Variants in IL17RD observed in about 807,000 individuals in gnomAD.
The protein encoded by IL17RD is interleukin 17 receptor D.
A neutral mutation model predicts 80.5 loss-of-function variants in IL17RD; 52 were observed. The observed-to-expected ratio is 0.65, with a 90% CI of 0.52 to 0.81. IL17RD has a LOEUF of 0.81. Among genes scored for constraint, IL17RD ranks in the 40% least tolerant of loss-of-function variants. The pLI is 0.00. For missense variants in IL17RD, 1,024 were observed against 955.1 expected, an observed-to-expected ratio of 1.07 and a Z score of -0.95; for synonymous variants, 416 against 391.8, an observed-to-expected ratio of 1.06 and a Z score of -0.73.
Position 57,090,244 on chromosome 3 carries a change from A to T in IL17RD, c.*6149T>A, listed in dbSNP as rs1013162468. On this transcript the variant is annotated 3_prime_UTR_variant, in exon 13 of 13. Transcript: ENST00000296318. ...TATTCCACAGGCTTTCTCCCCTAGGACGTACTAACAGGGAGTTTCCACAGG... is the reference window on the plus strand; with the variant it reads ...TATTCCACAGGCTTTCTCCCCTAGGTCGTACTAACAGGGAGTTTCCACAGG... 6.6e-6 allele frequency: 1 copy of T among 152,642 alleles called. No individual in the cohort carries two copies. Among genetic ancestry groups the T allele is most frequent in the African/African-American group, 2.4e-5 (1 of 41,454 alleles). The allele number at this position is 152,642 out of a possible 1,614,324, so 9.5% of individuals were successfully genotyped here. A position where few individuals can be genotyped will look rare whatever the true frequency, so the allele number is the denominator to read the frequency against.
chr3:57,142,366 G>C (rs1707844826), intron 1 of IL17RD: 1 of 485,760 alleles, frequency 2.1e-6, no homozygotes, highest in South Asian at 1.6e-5. Context: ...TTCTTTTGTG[G>C]AGAAGTGGAG....
chr3:57,097,733 T>A lies in IL17RD; in HGVS notation c.1970A>T (p.Asp657Val). Residue 657 changes from aspartate to valine, a missense_variant, in exon 12 of 13, where the codon GAC (aspartate) becomes GTC (valine). By Grantham distance (152) the Asp-to-Val change is radical. Coordinates refer to ENST00000296318, the MANE Select transcript of IL17RD (RefSeq NM_017563.5). ...LHTVKAGSPSDMPRDSGIYDS... is the reference protein window; with the variant it reads ...LHTVKAGSPSVMPRDSGIYDS... ...ATAGATGCCTGAGTCCCGCGGCATG[T>A]CCGAGGGGCTGCCGGCTTTCACCGT... 1 of 1,602,714 alleles carries A rather than the reference T, an allele frequency of 6.2e-7. No individual in the cohort carries two copies. Among genetic ancestry groups the A allele is most frequent in the Non-Finnish European group, 8.5e-7 (1 of 1,173,736 alleles).
At chr3:57,096,576 G>T in intron 12 of IL17RD, 71 bp from the exon 13 acceptor site, 1 of 1,060,000 alleles carries the variant, frequency 9.4e-7, no homozygotes, top group Non-Finnish European at 1.5e-6. Context: ...GCTCATGGCA[G>T]AATGTGACTG....
At chr3:57,132,487 CAAA>C (rs988931488) in intron 1 of IL17RD, among the ~76,000 whole-genome samples, 1 of 152,000 alleles carries the variant, frequency 6.6e-6, no homozygotes, top group African/African-American at 2.4e-5. Context: ...CAAAAACAAA[CAAA>C]AAATTCTAAT....
Position 57,096,400 on chromosome 3 carries a change from G to C in IL17RD, c.2213C>G (p.Pro738Arg). The C allele has an allele frequency of 6.2e-7, 1 of 1,611,806 alleles. No homozygotes were observed. The highest frequency in any genetic ancestry group is 8.5e-7 in the Non-Finnish European group (1 of 1,177,880). The change falls in exon 13 of 13, where the codon CCT becomes CGT. Residue 738 changes from proline to arginine, a missense_variant. By Grantham distance (103) the Pro-to-Arg change is moderately radical (BLOSUM62 -2). Coordinates refer to ENST00000296318, the MANE Select transcript of IL17RD (RefSeq NM_017563.5). ...TTAGACTCTTTCGTTTTGTTACAAA[G>C]GGGCGACCGCGTGGAGTTCATCAGT... ...SYTDELHAVA[P>R]L is the part of the protein sequence containing the mutation.
chr3:57,140,648 T>C (rs1247229602), intron 1 of IL17RD, among the ~76,000 whole-genome samples: 3 of 152,230 alleles, frequency 2.0e-5, no homozygotes, highest in Non-Finnish European at 2.9e-5. Context: ...TTTGGCATCA[T>C]GGCTAACAAC....
At chr3:57,142,056 C>G (rs79614659) in intron 1 of IL17RD, among the ~76,000 whole-genome samples, 1,803 of 152,258 alleles carry the variant, frequency 0.012, 47 homozygotes, top group African/African-American at 0.041. Context: ...ACACACGGAG[C>G]CTTCCTAACT....
In IL17RD at chr3:57,103,205, A is replaced by G. The variant is rs1251743373; in HGVS notation, c.814-60T>C. The stretch of plus-strand genomic sequence containing the variant: ...AAAGTGATATATACCAGGTAAGTGG[A>G]AAAAAATGGTAATTTCATTCATCTT... On this transcript the variant is annotated intron_variant, in intron 8 of 12. Transcript: ENST00000296318. The G allele has an allele frequency of 1.6e-5, 15 of 955,406 alleles. No homozygotes were observed. The Admixed American group carries it at 1.8e-4, about 11-fold the overall frequency. The allele number at this position is 955,406 out of a possible 1,614,324, so 59.2% of individuals were successfully genotyped here.
chr3:57,165,668 T>A (rs1021026350), upstream of IL17RD, among the ~76,000 whole-genome samples: 10 of 152,092 alleles, frequency 6.6e-5, no homozygotes, highest in Non-Finnish European at 1.3e-4. Context: ...ATAATAATTT[T>A]AATAATAATT....
intron 5 of IL17RD, among the ~76,000 whole-genome samples, chr3:57,107,327 C>T (rs147637751): frequency 0.016 from 2,345 of 150,896 alleles, 26 homozygotes; most frequent in Admixed American, 0.03. Context: ...TGCAGTGAGC[C>T]GAGATCATGC....
chr3:57,151,884 G>T (rs1207743338), intron 1 of IL17RD, among the ~76,000 whole-genome samples: 5 of 152,058 alleles, frequency 3.3e-5, no homozygotes, highest in Admixed American at 3.3e-4. Context: ...AAACAAAAAA[G>T]AAATCCCCCA....
intron 1 of IL17RD, among the ~76,000 whole-genome samples, chr3:57,132,876 A>C (rs1485318530): frequency 6.6e-6 from 1 of 152,176 alleles, no homozygotes; most frequent in Non-Finnish European, 1.5e-5. Flanking sequence ...GATGAAGAAA[A>C]CAGCTGATTT....
At chr3:57,103,643 A>G (rs1458078172) in intron 8 of IL17RD, among the ~76,000 whole-genome samples, 1 of 152,180 alleles carries the variant, frequency 6.6e-6, no homozygotes, top group Non-Finnish European at 1.5e-5. Flanking sequence ...TATTTTCCTT[A>G]TACTCTTATT....
chr3:57,164,600 T>C (rs955357257), intron 1 of IL17RD, among the ~76,000 whole-genome samples: 2 of 151,568 alleles, frequency 1.3e-5, no homozygotes, highest in Non-Finnish European at 2.9e-5. Flanking sequence ...GGTCCCGGAG[T>C]CAGAGGAGGG....
At chr3:57,129,870 C>T (rs1271973478) in intron 1 of IL17RD, among the ~76,000 whole-genome samples, 1 of 152,126 alleles carries the variant, frequency 6.6e-6, no homozygotes, top group African/African-American at 2.4e-5. Context: ...TGTGGCTTTC[C>T]CCCACTTTCT....
At chr3:57,122,923 C>CT (rs374580494) in intron 1 of IL17RD, among the ~76,000 whole-genome samples, 10 of 147,490 alleles carry the variant, frequency 6.8e-5, no homozygotes, top group Non-Finnish European at 9.0e-5. Context: ...TCAGATGTAG[C>CT]TTTTTTTTTT....
intron 1 of IL17RD, among the ~76,000 whole-genome samples, chr3:57,127,149 CACCTAGTAACTACTTAAA>C (rs1707476196): frequency 7.1e-6 from 1 of 141,072 alleles, no homozygotes; most frequent in Admixed American, 7.7e-5. Flanking sequence ...TTTAAAGGTA[CACCTAGTAACTACTTAAA>C]ACTAAGGCCA....
At chr3:57,148,104 G>GGGGC (rs1491387894) in intron 1 of IL17RD, among the ~76,000 whole-genome samples, 2 of 44,306 alleles carry the variant, frequency 4.5e-5, no homozygotes, top group African/African-American at 1.7e-4. Context: ...GGGGGGGGGG[G>GGGGC]CGATCGCTAG....
intron 3 of IL17RD, among the ~76,000 whole-genome samples, chr3:57,114,183 CA>C (rs113601317): frequency 0.2 from 24,070 of 118,356 alleles, 2,274 homozygotes; most frequent in East Asian, 0.4. Flanking sequence ...AACTATGTCT[CA>C]AAAAAAAAAA....
Sources: gnomAD v4.1 joint callset for allele counts (sites outside exome capture counted in the v4.1 genomes callset) on GRCh38, gnomAD v4.1.1 for gene constraint, MANE v1.5 for transcripts, NCBI Gene and HGNC (gene_info 2026-07-23, HGNC 2026-07-21) for gene names.